Variants in SHB observed in about 807,000 individuals in gnomAD.
The protein encoded by SHB is SH2 domain containing adaptor protein B, also known as SH2 domain-containing adapter protein B.
Under a neutral mutation model 52.3 loss-of-function variants are expected in SHB, and 20 were observed. The ratio of observed to expected loss-of-function variants is 0.38; its 90% CI spans 0.27 to 0.56. SHB has a LOEUF of 0.56. Among genes scored for constraint, SHB ranks in the 20% least tolerant of loss-of-function variants. The pLI, the probability that SHB is intolerant of heterozygous loss-of-function variation, is 0.71. For synonymous variants in SHB, 397 were observed against 316.5 expected (o/e 1.25, Z -2.70); for missense variants, 825 against 723.3 (o/e 1.14, Z -1.61).
rs1832629807 is a variant in SHB, at chr9:37,956,125, G to A, written c.1055-71C>T. 2.1e-6 allele frequency: 3 copies of A among 1,421,782 alleles called. No homozygotes were observed. In the African/African-American group the frequency reaches 4.3e-5, roughly 20 times the overall value. 88.1% of individuals were successfully genotyped at this position (1,421,782 alleles called of 1,614,324 possible). A position where few individuals can be genotyped will look rare whatever the true frequency, so the allele number is the denominator to read the frequency against. ...GGGAGCTACTGTGAGGCACAGAAGG[G>A]TAACGTTCAGCTGGTCTAGTTGGCA... On this transcript the variant is annotated intron_variant, in intron 3 of 5. Coordinates refer to ENST00000377707, the MANE Select transcript of SHB (RefSeq NM_003028.3).
intron 5 of SHB, among the ~76,000 whole-genome samples, chr9:37,946,721 C>A (rs1354640976): frequency 6.6e-6 from 1 of 152,182 alleles, no homozygotes; most frequent in Non-Finnish European, 1.5e-5. Flanking sequence ...TCCTGTCCTC[C>A]CTGATCCTTT....
intron 1 of SHB, among the ~76,000 whole-genome samples, chr9:38,060,403 G>A (rs761866083): frequency 2.0e-5 from 3 of 152,088 alleles, no homozygotes; most frequent in Non-Finnish European, 2.9e-5. Flanking sequence ...TCCAACTCCC[G>A]ACCTTAGGTG....
intron 1 of SHB, among the ~76,000 whole-genome samples, chr9:38,051,907 C>T (rs984964038): frequency 6.6e-6 from 1 of 152,158 alleles, no homozygotes; most frequent in Admixed American, 6.5e-5. Context: ...CTCTGGGGAC[C>T]TAAAGGAGGC....
intron 1 of SHB, among the ~76,000 whole-genome samples, chr9:38,041,098 T>C (rs1821569775): frequency 6.6e-6 from 1 of 152,150 alleles, no homozygotes; most frequent in African/African-American, 2.4e-5. Flanking sequence ...GCTTAGTTTC[T>C]TCTGGGCAGG....
At chr9:38,034,504 T>C (rs1405483406) in intron 1 of SHB, among the ~76,000 whole-genome samples, 4 of 152,262 alleles carry the variant, frequency 2.6e-5, no homozygotes, top group Admixed American at 6.5e-5. Flanking sequence ...TGTTATACTT[T>C]GAATAGCTCT....
At chr9:38,019,332 C>T (rs528359888) in intron 1 of SHB, among the ~76,000 whole-genome samples, 1 of 152,236 alleles carries the variant, frequency 6.6e-6, no homozygotes, top group Non-Finnish European at 1.5e-5. Flanking sequence ...CTGACCTCCC[C>T]TTGTTTTCCA....
Position 37,974,857 on chromosome 9 carries a change from A to C in SHB, c.839-20T>G. The C allele has an allele frequency of 6.2e-7, 1 of 1,600,398 alleles. No homozygotes were observed. Among genetic ancestry groups the C allele is most frequent in the Non-Finnish European group, 8.6e-7 (1 of 1,167,536 alleles). ...GAAATTCTGCAGGCAAAAAGGAAGG[A>C]AGCAGAGATGAAATGGATACTGCAC... On this transcript the variant is annotated intron_variant, in intron 2 of 5. Coordinates refer to ENST00000377707, the MANE Select transcript of SHB (RefSeq NM_003028.3).
chr9:38,009,024 G>C (rs1821105068), intron 2 of SHB, among the ~76,000 whole-genome samples: 1 of 152,226 alleles, frequency 6.6e-6, no homozygotes, highest in African/African-American at 2.4e-5. Flanking sequence ...CTGGAACCAG[G>C]GGTCAGGGCT....
At chr9:38,054,964 G>A (rs1821796541) in intron 1 of SHB, among the ~76,000 whole-genome samples, 1 of 152,258 alleles carries the variant, frequency 6.6e-6, no homozygotes. Context: ...GACACCAAAG[G>A]TCAAGGATAG....
At chr9:38,056,009 A>C (rs565794934) in intron 1 of SHB, among the ~76,000 whole-genome samples, 7 of 152,352 alleles carry the variant, frequency 4.6e-5, no homozygotes, top group African/African-American at 1.2e-4. Context: ...CTCAGATGTC[A>C]GGAGTTGAAT....
intron 1 of SHB, among the ~76,000 whole-genome samples, chr9:38,032,734 T>C (rs2118118333): frequency 6.6e-6 from 1 of 152,340 alleles, no homozygotes; most frequent in East Asian, 1.9e-4. Context: ...CTTCCCCACA[T>C]ACCAAAGCCA....
At chr9:38,046,994 G>A (rs1348770186) in intron 1 of SHB, among the ~76,000 whole-genome samples, 1 of 152,194 alleles carries the variant, frequency 6.6e-6, no homozygotes, top group Non-Finnish European at 1.5e-5. Context: ...GGCCCAGGGA[G>A]GGGAGGGGCC....
intron 5 of SHB, among the ~76,000 whole-genome samples, chr9:37,934,712 G>A (rs1390638880): frequency 2.6e-5 from 4 of 152,166 alleles, no homozygotes; most frequent in Admixed American, 6.5e-5. Flanking sequence ...CGGTTCTGGG[G>A]GGCAAATCCT....
At chr9:37,964,443 C>T (rs986314562) in intron 3 of SHB, among the ~76,000 whole-genome samples, 4 of 152,190 alleles carry the variant, frequency 2.6e-5, no homozygotes, top group African/African-American at 9.7e-5. Context: ...GGAGCAAAGA[C>T]CCCACCCTAA....
At chr9:38,046,088 G>A (rs566873049) in intron 1 of SHB, among the ~76,000 whole-genome samples, 6 of 152,102 alleles carry the variant, frequency 3.9e-5, no homozygotes, top group Non-Finnish European at 8.8e-5. Flanking sequence ...TTAGCCAGGC[G>A]TGGTGGTGTG....
rs549698015 is a variant in SHB at position 38,024,476 on chromosome 9, A to C, written c.718-8345T>G. ...TGCAGGCTCCGACTTGTTAGGAAAA[A>C]CACATTCCAAATTCCAGCCTCTGTC... On this transcript the variant is annotated intron_variant, in intron 1 of 5. Transcript: ENST00000377707. 5.4e-4 allele frequency among the ~76,000 whole-genome samples: 82 copies of C among 152,218 alleles called. 2 individuals carry two copies. Among genetic ancestry groups the C allele is most frequent in the Admixed American group, 2.8e-3 (43 of 15,292 alleles).
chr9:38,069,185 C>T lies in SHB; in HGVS notation c.-540G>A, dbSNP rs1822025899. On this transcript the variant is annotated 5_prime_UTR_variant, in exon 1 of 6. Coordinates refer to ENST00000377707, the MANE Select transcript of SHB (RefSeq NM_003028.3). The stretch of plus-strand genomic sequence containing the variant: ...GAAGGCAGCCGGCGCCCGCCGGAGC[C>T]CGCGCGCCCGTGCCCGTCCCGGCGG... 6.6e-6 allele frequency: 1 copy of T among 151,424 alleles called. No individual in the cohort carries two copies. The highest frequency in any genetic ancestry group is 6.6e-5 in the Admixed American group (1 of 15,162). 9.4% of individuals were successfully genotyped at this position (151,424 alleles called of 1,614,324 possible).
intron 1 of SHB, among the ~76,000 whole-genome samples, chr9:38,020,672 AG>A (rs1260795597): frequency 6.6e-6 from 1 of 152,170 alleles, no homozygotes; most frequent in African/African-American, 2.4e-5. Flanking sequence ...GTGCAGGGGG[AG>A]AGGGCTACCA....
At chr9:38,029,266 G>A (rs540953296) in intron 1 of SHB, among the ~76,000 whole-genome samples, 3 of 152,238 alleles carry the variant, frequency 2.0e-5, no homozygotes, top group African/African-American at 7.2e-5. Context: ...AGGGTCTATG[G>A]GGCCATTTCT....
Sources: allele counts gnomAD v4.1 joint callset (sites outside exome capture counted in the v4.1 genomes callset), GRCh38; gene constraint gnomAD v4.1.1; transcripts MANE v1.5; gene names NCBI Gene and HGNC (gene_info 2026-07-23, HGNC 2026-07-21).